Variants in PAPOLA observed in about 807,000 individuals in gnomAD.
The protein encoded by PAPOLA is poly(A) polymerase alpha.
Under a neutral mutation model 100.6 loss-of-function variants are expected in PAPOLA, and 15 were observed. The ratio of observed to expected loss-of-function variants is 0.15; its 90% CI spans 0.10 to 0.23. PAPOLA has a LOEUF of 0.23. Ranked by LOEUF, PAPOLA falls within the 10% of genes least tolerant of loss-of-function variation. The pLI is 1.00. For synonymous variants in PAPOLA, 293 were observed against 300.0 expected (o/e 0.98, Z 0.24); for missense variants, 533 against 884.2 (o/e 0.60, Z 5.04).
intron 19 of PAPOLA, among the ~76,000 whole-genome samples, chr14:96,559,544 A>C (rs565627197): frequency 3.2e-5 from 4 of 124,918 alleles, no homozygotes; most frequent in African/African-American, 1.3e-4. Context: ...ATTATAGCTA[A>C]ATTAACCTCT....
At chr14:96,519,421 C>T (rs774972501) in intron 1 of PAPOLA, among the ~76,000 whole-genome samples, 1 of 152,056 alleles carries the variant, frequency 6.6e-6, no homozygotes, top group Non-Finnish European at 1.5e-5. Flanking sequence ...GCATTTAAAG[C>T]ATGCTATGCC....
At chr14:96,505,813 A>G (rs2140217276) in intron 1 of PAPOLA, among the ~76,000 whole-genome samples, 1 of 152,314 alleles carries the variant, frequency 6.6e-6, no homozygotes, top group Admixed American at 6.5e-5. Context: ...AGTGGTGGAA[A>G]ATGCTGTATC....
intron 3 of PAPOLA, among the ~76,000 whole-genome samples, chr14:96,524,507 T>TTCTTCCCC (rs1209237710): frequency 2.6e-5 from 4 of 151,336 alleles, no homozygotes; most frequent in African/African-American, 2.4e-5. Flanking sequence ...TCCCCTTCCC[T>TTCTTCCCC]TCTTCCCCTC....
At chr14:96,559,550 C>CT (rs1901638071) in intron 19 of PAPOLA, among the ~76,000 whole-genome samples, 1 of 118,484 alleles carries the variant, frequency 8.4e-6, no homozygotes, top group Non-Finnish European at 1.7e-5. Context: ...GCTAAATTAA[C>CT]CTCTCTCTCT....
chr14:96,551,924 C>G (rs1900876802), intron 16 of PAPOLA, among the ~76,000 whole-genome samples: 1 of 151,918 alleles, frequency 6.6e-6, no homozygotes, highest in Admixed American at 6.6e-5. Flanking sequence ...TTCTGAATTG[C>G]AATTAGAGCA....
chr14:96,563,082 G>T lies in PAPOLA; in HGVS notation c.2142+189G>T, dbSNP rs530827456. On this transcript the variant is annotated intron_variant, in intron 21 of 21. Transcript: ENST00000216277. ...CTGGATTTGACGGAACCGTTCTCTG[G>T]GACTGTTTCGATGTTAACCCATCCC... 4.6e-5 allele frequency among the ~76,000 whole-genome samples: 7 copies of T among 151,980 alleles called. No individual in the cohort carries two copies. In the East Asian group the frequency reaches 1.4e-3, roughly 29 times the overall value.
In PAPOLA at chr14:96,566,766, T is replaced by G. The variant is rs1902306587; in HGVS notation, c.*1716T>G. ...AGGTGAAATGTACAAGGTGTCTGTG[T>G]GTTTTGTGTAGCTTCAGAGTTAGAT... On this transcript the variant is annotated 3_prime_UTR_variant, in exon 22 of 22. Transcript: ENST00000216277. The G allele has an allele frequency of 1.3e-5, 2 of 152,704 alleles. No individual in the cohort carries two copies. Among genetic ancestry groups the G allele is most frequent in the African/African-American group, 4.8e-5 (2 of 41,564 alleles). The allele number at this position is 152,704 out of a possible 1,614,324, so 9.5% of individuals were successfully genotyped here. A position where few individuals can be genotyped will look rare whatever the true frequency, so the allele number is the denominator to read the frequency against.
At chr14:96,525,691 G>T (rs544866407) in intron 4 of PAPOLA, among the ~76,000 whole-genome samples, 5 of 152,270 alleles carry the variant, frequency 3.3e-5, no homozygotes, top group Admixed American at 2.0e-4. Flanking sequence ...GGTCAAGGCT[G>T]CAGTGAGCTG....
chr14:96,533,310 A>C, intron 9 of PAPOLA: 5 of 984,560 alleles, frequency 5.1e-6, no homozygotes, highest in Non-Finnish European at 6.0e-6. Context: ...TCAAATTAAG[A>C]TAAATCGTCC....
rs1426697945 is a variant in PAPOLA, at chr14:96,544,132, A to C, written c.1290-17A>C. 1 of 1,302,754 alleles carries C rather than the reference A, an allele frequency of 7.7e-7. No individual in the cohort carries two copies. The highest frequency in any genetic ancestry group is 1.1e-6 in the Non-Finnish European group (1 of 900,364). The allele number at this position is 1,302,754 out of a possible 1,614,324, so 80.7% of individuals were successfully genotyped here. On this transcript the variant is annotated splice_polypyrimidine_tract_variant and intron_variant, in intron 14 of 21. Transcript: ENST00000216277. ...TCATGAAATCCAGATAAACTATGGT[A>C]ATGCTCTTCTTTGCAGGGAAGAATT...
chr14:96,545,478 A>G (rs1158227373), intron 15 of PAPOLA, among the ~76,000 whole-genome samples: 1 of 152,084 alleles, frequency 6.6e-6, no homozygotes, highest in Non-Finnish European at 1.5e-5. Context: ...TTGCAAATAA[A>G]AAGTGATCTG....
At chr14:96,531,698 G>C in intron 7 of PAPOLA, 112 bp downstream of exon 7, 1 of 1,518,824 alleles carries the variant, frequency 6.6e-7, no homozygotes, top group South Asian at 1.2e-5. Flanking sequence ...ACACAGTAGT[G>C]AGTTAAATAA....
chr14:96,531,403 T>A, intron 6 of PAPOLA, 72 bp from the exon 7 acceptor site: 1 of 1,205,108 alleles, frequency 8.3e-7, no homozygotes. Context: ...ATTTTTTGTT[T>A]GTTTGTTTTT....
chr14:96,547,706 G>A, intron 15 of PAPOLA, 91 bp from the exon 16 acceptor site: 6 of 930,584 alleles, frequency 6.4e-6, no homozygotes, highest in Non-Finnish European at 9.6e-6. Flanking sequence ...GATGGAAAAA[G>A]GATCCCTACT....
intron 12 of PAPOLA, among the ~76,000 whole-genome samples, chr14:96,538,548 A>C (rs541612990): frequency 3.3e-5 from 5 of 152,054 alleles, no homozygotes; most frequent in Non-Finnish European, 5.9e-5. Context: ...GAAATAATCA[A>C]ATTTTTTTAG....
At chr14:96,508,847 G>A (rs1420857208) in intron 1 of PAPOLA, among the ~76,000 whole-genome samples, 1 of 152,174 alleles carries the variant, frequency 6.6e-6, no homozygotes, top group African/African-American at 2.4e-5. Flanking sequence ...CATTATAGGA[G>A]GTAATTGGTT....
intron 16 of PAPOLA, among the ~76,000 whole-genome samples, chr14:96,552,172 T>C (rs1470757224): frequency 1.3e-5 from 2 of 152,210 alleles, no homozygotes; most frequent in African/African-American, 4.8e-5. Context: ...TTTGAGATTC[T>C]TGTGTTTTTA....
intron 1 of PAPOLA, among the ~76,000 whole-genome samples, chr14:96,514,678 A>T (rs886305231): frequency 1.3e-5 from 2 of 152,254 alleles, no homozygotes; most frequent in African/African-American, 4.8e-5. Flanking sequence ...ACAGCCCTGC[A>T]TGGGGAAAGG....
chr14:96,510,496 C>T (rs542310049), intron 1 of PAPOLA, among the ~76,000 whole-genome samples: 8 of 151,124 alleles, frequency 5.3e-5, no homozygotes, highest in Middle Eastern at 3.2e-3. Context: ...TGCGCTTGTG[C>T]GCAAAGGGGC....
Sources: allele counts gnomAD v4.1 joint callset (sites outside exome capture counted in the v4.1 genomes callset), GRCh38; gene constraint gnomAD v4.1.1; transcripts MANE v1.5; gene names NCBI Gene and HGNC (gene_info 2026-07-23, HGNC 2026-07-21).